Variants in AKT3 observed in about 807,000 individuals in gnomAD.
The protein encoded by AKT3 is AKT serine/threonine kinase 3.
AKT3 carries 15 observed loss-of-function variants against 65.3 expected under a neutral mutation model. The observed-to-expected ratio is 0.23, with a 90% confidence interval of 0.15 to 0.35. The LOEUF is 0.35. AKT3 is among the 10% of genes least tolerant of loss of function. The probability of loss-of-function intolerance (pLI) is 1.00; values close to 1 mark genes in which losing one functional copy is unlikely to be tolerated. For missense variants in AKT3, 243 were observed against 576.5 expected (o/e 0.42, Z 5.92); for synonymous variants, 206 against 183.8 (o/e 1.12, Z -0.98).
At chr1:243,557,352 TA>T (rs1371675112) in intron 10 of AKT3, among the ~76,000 whole-genome samples, 1 of 152,084 alleles carries the variant, frequency 6.6e-6, no homozygotes, top group Non-Finnish European at 1.5e-5. Flanking sequence ...AATTTAAAAT[TA>T]AACTTCATGC....
At chr1:243,615,604 C>T (rs1018324788) in intron 6 of AKT3, among the ~76,000 whole-genome samples, 1 of 151,966 alleles carries the variant, frequency 6.6e-6, no homozygotes, top group Non-Finnish European at 1.5e-5. Flanking sequence ...TTAAAAGTCT[C>T]CTACTTTAAA....
At chr1:243,554,842 A>G (rs1673304962) in intron 10 of AKT3, among the ~76,000 whole-genome samples, 2 of 151,808 alleles carry the variant, frequency 1.3e-5, no homozygotes, top group African/African-American at 4.8e-5. Context: ...TCCCGAACCC[A>G]CATTTCACCA....
chr1:243,819,447 G>A (rs952130422), intron 2 of AKT3, among the ~76,000 whole-genome samples: 11 of 152,180 alleles, frequency 7.2e-5, no homozygotes, highest in African/African-American at 2.4e-4. Context: ...CTCCCTGCAG[G>A]AATTTTAGCA....
chr1:243,642,656 A>G (rs1339979468), intron 5 of AKT3, among the ~76,000 whole-genome samples: 1 of 152,028 alleles, frequency 6.6e-6, no homozygotes, highest in African/African-American at 2.4e-5. Flanking sequence ...CTCTCCAGAA[A>G]AATAATCCTC....
Position 243,663,377 on chromosome 1 carries a change from A to G in AKT3, c.284+1395T>C, listed in dbSNP as rs576064385. On this transcript the variant is annotated intron_variant, in intron 4 of 13. Coordinates refer to ENST00000673466, the MANE Select transcript of AKT3 (RefSeq NM_005465.7). ...TTATGGATTATGGGTGGACATATCA[A>G]CAAATTGAAAGCTCAGTATTAATTA... 2.0e-5 allele frequency among the ~76,000 whole-genome samples: 3 copies of G among 152,056 alleles called. No homozygotes were observed. In the East Asian group the frequency reaches 5.8e-4, roughly 30 times the overall value.
At chr1:243,498,121 G>C (rs1668493214), downstream of AKT3, among the ~76,000 whole-genome samples, 3 of 152,250 alleles carry the variant, frequency 2.0e-5, no homozygotes, top group Admixed American at 2.0e-4. Flanking sequence ...AATCCATGGA[G>C]CAGGGGTGGA....
intron 2 of AKT3, among the ~76,000 whole-genome samples, chr1:243,701,112 T>C (rs370997597): frequency 1.3e-5 from 2 of 152,330 alleles, no homozygotes; most frequent in African/African-American, 2.4e-5. Flanking sequence ...AAGTCGTAAG[T>C]GTAAAAGCTG....
intron 2 of AKT3, among the ~76,000 whole-genome samples, chr1:243,727,919 T>C (rs566748838): frequency 4.6e-5 from 7 of 152,314 alleles, no homozygotes; most frequent in East Asian, 3.9e-4. Flanking sequence ...TTATAAGAAT[T>C]GACCTGACTA....
chr1:243,835,054 G>A (rs1694806161), intron 2 of AKT3, among the ~76,000 whole-genome samples: 1 of 152,124 alleles, frequency 6.6e-6, no homozygotes, highest in Admixed American at 6.6e-5. Flanking sequence ...TACATAGACT[G>A]TAATAAATTA....
intron 2 of AKT3, among the ~76,000 whole-genome samples, chr1:243,828,298 C>T (rs1289355668): frequency 6.6e-6 from 1 of 152,088 alleles, no homozygotes; most frequent in Non-Finnish European, 1.5e-5. Flanking sequence ...AAAGTAGGCA[C>T]TTTTATCATC....
intron 12 of AKT3, among the ~76,000 whole-genome samples, chr1:243,520,280 A>C (rs962065461): frequency 3.3e-5 from 5 of 152,234 alleles, no homozygotes; most frequent in African/African-American, 1.2e-4. Flanking sequence ...AGACACAGGG[A>C]AAAGACGGCC....
intron 12 of AKT3, among the ~76,000 whole-genome samples, chr1:243,527,908 CACA>C (rs1671244698): frequency 8.1e-6 from 1 of 123,864 alleles, no homozygotes; most frequent in African/African-American, 3.8e-5. Flanking sequence ...CACACACACA[CACA>C]CACACACACA....
At chr1:243,711,257 G>A (rs1002082070) in intron 2 of AKT3, among the ~76,000 whole-genome samples, 1 of 152,174 alleles carries the variant, frequency 6.6e-6, no homozygotes, top group African/African-American at 2.4e-5. Context: ...GAACCCAGGA[G>A]GTGGAGGTTG....
intron 10 of AKT3, among the ~76,000 whole-genome samples, chr1:243,554,472 G>C (rs1417198962): frequency 6.6e-6 from 1 of 152,126 alleles, no homozygotes; most frequent in Non-Finnish European, 1.5e-5. Flanking sequence ...TTACTTGTTT[G>C]AAATGAGTAA....
intron 2 of AKT3, among the ~76,000 whole-genome samples, chr1:243,751,284 C>A (rs537453643): frequency 2.0e-5 from 3 of 152,336 alleles, no homozygotes; most frequent in Admixed American, 6.5e-5. Context: ...GTGCAAAAAT[C>A]CATTTGTAGA....
At chr1:243,695,462 C>A in intron 3 of AKT3, 129 bp downstream of exon 3, 1 of 771,772 alleles carries the variant, frequency 1.3e-6, no homozygotes, top group South Asian at 2.4e-5. Flanking sequence ...TCTATCAAAG[C>A]TGAAAATTTC....
chr1:243,488,785 G>T (rs924106165), intron 13 of AKT3, among the ~76,000 whole-genome samples: 1 of 152,062 alleles, frequency 6.6e-6, no homozygotes, highest in Admixed American at 6.6e-5. Context: ...TTTTCTAATT[G>T]ATAGTGTACT....
Position 243,795,088 on chromosome 1 carries a change from T to C in AKT3, c.46+48037A>G, listed in dbSNP as rs535131692. ...TTCTTTTGATCCCTTATGGTATCTGTTTTCTCCCAGTGTTCCAAGTATCAC... is the reference window on the plus strand; with the variant it reads ...TTCTTTTGATCCCTTATGGTATCTGCTTTCTCCCAGTGTTCCAAGTATCAC... On this transcript the variant is annotated intron_variant, in intron 2 of 13. Coordinates refer to ENST00000673466, the MANE Select transcript of AKT3 (RefSeq NM_005465.7). 1.5e-3 allele frequency among the ~76,000 whole-genome samples: 225 copies of C among 152,258 alleles called. 1 individual carries two copies. The highest frequency in any genetic ancestry group is 0.012 in the South Asian group (57 of 4,826).
At chr1:243,807,965 T>C (rs1037006242) in intron 2 of AKT3, among the ~76,000 whole-genome samples, 8 of 152,188 alleles carry the variant, frequency 5.3e-5, no homozygotes, top group African/African-American at 1.9e-4. Context: ...GACCTGCAGC[T>C]GAGGGTCCTG....
Sources: allele counts gnomAD v4.1 joint callset (sites outside exome capture counted in the v4.1 genomes callset), GRCh38; gene constraint gnomAD v4.1.1; transcripts MANE v1.5; gene names NCBI Gene and HGNC (gene_info 2026-07-23, HGNC 2026-07-21).